DNMT3A: variants seen among roughly 807,000 people sequenced by gnomAD.
The protein encoded by DNMT3A is DNA methyltransferase 3 alpha.
Under a neutral mutation model 117.6 loss-of-function variants are expected in DNMT3A, and 267 were observed. The observed-to-expected ratio is 2.27, with a 90% CI of 2.05 to 2.51. The LOEUF (loss-of-function observed/expected upper bound fraction) is 2.51. Among genes scored for constraint, DNMT3A ranks in the 30% most tolerant of loss-of-function variants. The pLI, the probability that DNMT3A is intolerant of heterozygous loss-of-function variation, is 0.00. For synonymous variants in DNMT3A, 432 were observed against 474.8 expected, an observed-to-expected ratio of 0.91 and a Z score of 1.17; for missense variants, 1,029 against 1,260.2, an observed-to-expected ratio of 0.82 and a Z score of 2.78.
chr2:25,292,120 C>G (rs754300348), intron 3 of DNMT3A, among the ~76,000 whole-genome samples: 20 of 152,136 alleles, frequency 1.3e-4, no homozygotes, highest in African/African-American at 4.6e-4. Flanking sequence ...GGCCTTTGAG[C>G]CCCCTATGCT....
At chr2:25,270,705 G>A (rs2030803957) in intron 6 of DNMT3A, among the ~76,000 whole-genome samples, 1 of 152,082 alleles carries the variant, frequency 6.6e-6, no homozygotes, top group Admixed American at 6.5e-5. Flanking sequence ...GCTAACAGAG[G>A]TTGCCGCTTG....
In DNMT3A at chr2:25,294,076, C is replaced by G. The variant is rs2032943256; in HGVS notation, c.177+6063G>C. Among the ~76,000 whole-genome samples the G allele has an allele frequency of 6.6e-6, 1 of 152,200 alleles. No homozygotes were observed. The highest frequency in any genetic ancestry group is 2.4e-5 in the African/African-American group (1 of 41,452). ...CCCCACACTCACCCTGCCCTGCATG[C>G]CTTCCTTCCTCCACACCCAGCTCAG... On this transcript the variant is annotated intron_variant, in intron 3 of 22. Coordinates refer to ENST00000321117, the MANE Select transcript of DNMT3A (RefSeq NM_022552.5). This position sits in a 1 kb window ranked among gnomAD's most constrained non-coding sequence, Gnocchi z 4.7.
rs1175186554 is a variant in DNMT3A, at chr2:25,264,132, G to GTTTTTTTTTTTTTTTT, written c.639+10793_639+10808dup. ...TCAGTAAAGGCTGGACAACCCTTTG[G>GTTTTTTTTTTTTTTTT]TTTTTTTTTTTTTTTTTTTTTTTTT... On this transcript the variant is annotated intron_variant, in intron 6 of 22. Transcript: ENST00000321117. 1.6e-3 allele frequency among the ~76,000 whole-genome samples: 119 copies of GTTTTTTTTTTTTTTTT among 73,758 alleles called. 22 individuals are homozygous for GTTTTTTTTTTTTTTTT. The highest frequency in any genetic ancestry group is 2.0e-3 in the African/African-American group (37 of 18,122). 48.4% of individuals were successfully genotyped at this position (73,758 alleles called of 152,430 possible).
chr2:25,240,558 T>TC (rs1673888409), intron 18 of DNMT3A, 82 bp downstream of exon 18: 11 of 1,597,816 alleles, frequency 6.9e-6, no homozygotes, highest in Admixed American at 3.4e-5. Flanking sequence ...GGAATAGCTG[T>TC]CCCAGGGCAG....
At chr2:25,243,741 G>A (rs1363669680) in intron 16 of DNMT3A, among the ~76,000 whole-genome samples, 157 bp downstream of exon 16, 1 of 152,224 alleles carries the variant, frequency 6.6e-6, no homozygotes, top group Non-Finnish European at 1.5e-5. Context: ...TCCACGGACT[G>A]CATACGTTTC....
Position 25,275,559 on chromosome 2 carries a change from A to C in DNMT3A, c.449-16T>G. ...TGTTCTTTGCCTGTGGAGAGGGAAG[A>C]ACAAAGGGACCAGTTCGTTGGTCGG... On this transcript the variant is annotated splice_polypyrimidine_tract_variant and intron_variant, in intron 4 of 22. Coordinates refer to ENST00000321117, the MANE Select transcript of DNMT3A (RefSeq NM_022552.5). 1 of 1,564,760 alleles carries C rather than the reference A, an allele frequency of 6.4e-7. No homozygotes were observed. The highest frequency in any genetic ancestry group is 8.6e-7 in the Non-Finnish European group (1 of 1,163,446).
At chr2:25,250,520 C>A (rs1675386970) in intron 6 of DNMT3A, among the ~76,000 whole-genome samples, 1 of 152,222 alleles carries the variant, frequency 6.6e-6, no homozygotes. Flanking sequence ...CCACTCTCAC[C>A]TGGCCAGAAC....
chr2:25,332,767 C>G (rs1464958150), intron 1 of DNMT3A, among the ~76,000 whole-genome samples: 1 of 152,258 alleles, frequency 6.6e-6, no homozygotes, highest in Non-Finnish European at 1.5e-5. Flanking sequence ...GGCCCTCAGG[C>G]CACCACCAGT....
intron 6 of DNMT3A, chr2:25,249,688 A>G (rs770167338): frequency 6.2e-7 from 1 of 1,614,038 alleles, no homozygotes; most frequent in African/African-American, 1.3e-5. Flanking sequence ...GCTACGATCC[A>G]CGCGCCCATT....
Position 25,247,699 on chromosome 2 carries a change from GC to G in DNMT3A, c.905del (p.Gly302AlafsTer14). 2 of 1,613,554 alleles carry G rather than the reference GC, an allele frequency of 1.2e-6. No homozygotes were observed. The highest frequency in any genetic ancestry group is 1.7e-6 in the Non-Finnish European group (2 of 1,179,984). ...IGELVWGKLR[G>X]FSWWPGRIVS... ...CAATGCGGCCTGGCCACCAGGAGAA[GC>G]CCCGCAGTTTCCCCCACACCAGCTC... On this transcript the variant is annotated frameshift_variant, in exon 8 of 23. Transcript: ENST00000321117. LOFTEE classifies it high-confidence loss of function. This position sits in a 1 kb window ranked among gnomAD's most constrained non-coding sequence, Gnocchi z 5.6.
In DNMT3A at chr2:25,240,394, T is replaced by A. The variant is rs1389075270; in HGVS notation, c.2230A>T (p.Lys744Ter). 6.2e-7 allele frequency: 1 copy of A among 1,613,832 alleles called. No homozygotes were observed. ...FYRLLHDARP[K>*]EGDDRPFFWL... ...AAGAAGGGGCGATCATCTCCCTCCT[T>A]GGGCCGCGCATCATGCAGGAGGCGG... The change falls in exon 19 of 23, where the codon AAG becomes TAG. Residue 744 changes from lysine (K) to a stop codon, truncating the protein, a stop_gained. Transcript: ENST00000321117. LOFTEE classifies it high-confidence loss of function.
rs143635198 is a variant in DNMT3A at position 25,234,772 on chromosome 2, T to C, written c.2598-352A>G. ...TCCAGGACACACTCTCTAGTTCTCC[T>C]CTCCTGCAGGGTTAGCTCGGCAACG... On this transcript the variant is annotated intron_variant, in intron 22 of 22. Coordinates refer to ENST00000321117, the MANE Select transcript of DNMT3A (RefSeq NM_022552.5). This position sits in a 1 kb window ranked among gnomAD's most constrained non-coding sequence, Gnocchi z 4.5. 1.4e-3 allele frequency among the ~76,000 whole-genome samples: 216 copies of C among 152,174 alleles called. No individual in the cohort carries two copies. Among genetic ancestry groups the C allele is most frequent in the Middle Eastern group, 3.4e-3 (1 of 294 alleles).
intron 6 of DNMT3A, among the ~76,000 whole-genome samples, chr2:25,253,305 G>A (rs1382308251): frequency 6.6e-6 from 1 of 152,176 alleles, no homozygotes; most frequent in Non-Finnish European, 1.5e-5. Context: ...GCCCTCGAGG[G>A]GTTGAAGATT....
In DNMT3A at chr2:25,311,129, G is replaced by A. The variant is rs1384890715; in HGVS notation, c.72+2784C>T. ...GGTGCATGGAGGCGGGGCTGGGGGC[G>A]GGGGCGGGGAGGGGGGGCGGCGGTG... On this transcript the variant is annotated intron_variant, in intron 2 of 22. Coordinates refer to ENST00000321117, the MANE Select transcript of DNMT3A (RefSeq NM_022552.5). This position sits in a 1 kb window ranked among gnomAD's most constrained non-coding sequence, Gnocchi z 5.2. 3.3e-5 allele frequency among the ~76,000 whole-genome samples: 5 copies of A among 150,810 alleles called. No homozygotes were observed. Among genetic ancestry groups the A allele is most frequent in the East Asian group, 2.0e-4 (1 of 5,072 alleles).
Position 25,234,072 on chromosome 2 carries a change from G to T in DNMT3A, c.*207C>A. 1 of 656,530 alleles carries T rather than the reference G, an allele frequency of 1.5e-6. No homozygotes were observed. The highest frequency in any genetic ancestry group is 3.3e-5 in the South Asian group (1 of 30,062). 40.7% of individuals were successfully genotyped at this position (656,530 alleles called of 1,614,324 possible). ...TTAAATAGGACTGAAGAATAACATT[G>T]AAAAATCAGGAGATGATGTCCAACC... On this transcript the variant is annotated 3_prime_UTR_variant, in exon 23 of 23. Coordinates refer to ENST00000321117, the MANE Select transcript of DNMT3A (RefSeq NM_022552.5). This position sits in a 1 kb window ranked among gnomAD's most constrained non-coding sequence, Gnocchi z 4.5.
intron 2 of DNMT3A, among the ~76,000 whole-genome samples, chr2:25,309,634 G>C (rs1398183159): frequency 2.6e-5 from 4 of 152,220 alleles, no homozygotes; most frequent in Non-Finnish European, 4.4e-5. Context: ...TCCAGCCTCA[G>C]CACTAGCACT....
rs1242252812 is a variant in DNMT3A, at chr2:25,252,722, G to A, written c.640-4470C>T. On this transcript the variant is annotated intron_variant, in intron 6 of 22. Transcript: ENST00000321117. This position sits in a 1 kb window ranked among gnomAD's most constrained non-coding sequence, Gnocchi z 5.5. ...AAGCCGGAGCTTTCGGACGGCCTGGGAGAGCCGGGAGAAAGTTGTGAAAAG... is the reference window on the plus strand; with the variant it reads ...AAGCCGGAGCTTTCGGACGGCCTGGAAGAGCCGGGAGAAAGTTGTGAAAAG... Among the ~76,000 whole-genome samples, 1 of 152,062 alleles carries A rather than the reference G, an allele frequency of 6.6e-6. No individual in the cohort carries two copies. The highest frequency in any genetic ancestry group is 1.5e-5 in the Non-Finnish European group (1 of 67,976).
At chr2:25,235,595 TC>T in intron 22 of DNMT3A, 111 bp downstream of exon 22, 1 of 825,408 alleles carries the variant, frequency 1.2e-6, no homozygotes, top group Non-Finnish European at 2.0e-6. Flanking sequence ...AACCCACTGT[TC>T]CCAGGACGTT....
intron 2 of DNMT3A, among the ~76,000 whole-genome samples, chr2:25,307,479 T>TC (rs2033845546): frequency 1.3e-5 from 2 of 149,558 alleles, no homozygotes; most frequent in East Asian, 2.0e-4. Flanking sequence ...TTTTTTTTTT[T>TC]TTTGAGATGG....
Sources: allele counts gnomAD v4.1 joint callset (sites outside exome capture counted in the v4.1 genomes callset), GRCh38; gene constraint gnomAD v4.1.1; non-coding constraint Gnocchi (gnomAD v3.1); transcripts MANE v1.5; gene names NCBI Gene and HGNC (gene_info 2026-07-23, HGNC 2026-07-21).